The following PDE4A variants were observed in gnomAD, a reference collection of about 807,000 sequenced individuals.
PDE4A encodes the protein 3',5'-cyclic-AMP phosphodiesterase 4A.
PDE4A carries 21 observed loss-of-function variants against 73.9 expected under a neutral mutation model. That is an observed-to-expected ratio of 0.28 (90% CI 0.20 to 0.41). PDE4A has a LOEUF of 0.41. PDE4A is among the 10% of genes least tolerant of loss of function. The probability of loss-of-function intolerance (pLI) is 1.00; values close to 1 mark genes in which losing one functional copy is unlikely to be tolerated. For synonymous variants in PDE4A, 463 were observed against 505.4 expected, an observed-to-expected ratio of 0.92 and a Z score of 1.13; for missense variants, 958 against 1,211.4, an observed-to-expected ratio of 0.79 and a Z score of 3.10.
chr19:10,419,410 G>A (rs1409424272), upstream of PDE4A: 3 of 152,220 alleles, frequency 2.0e-5, no homozygotes, highest in East Asian at 1.9e-4. Context: ...GTGCCGGAAG[G>A]GGGGCTCTGC....
Position 10,420,850 on chromosome 19 carries a change from C to T in PDE4A, c.86C>T (p.Pro29Leu), listed in dbSNP as rs1392614862. Residue 29 changes from proline to leucine, a missense_variant, in exon 1 of 15, where the codon CCC becomes CTC. By Grantham distance (98) the Pro-to-Leu change is moderately conservative. This residue lies in a region of PDE4A where 145 missense variants were observed against 137.8 expected (regional missense o/e 1.05). Coordinates refer to ENST00000380702, the MANE Select transcript of PDE4A (RefSeq NM_001111307.2). The surrounding 1 kb of genome is among the most constrained non-coding windows in gnomAD (Gnocchi z 6.0). ...GAGGGCCAGGCCACCCTGAAGCCTC[C>T]CCCGCAGCACCTGTGGCGGCAGCCT... Reference protein sequence around the residue: ...PREGQATLKPPPQHLWRQPRT... With the variant: ...PREGQATLKPLPQHLWRQPRT... 6.3e-7 allele frequency: 1 copy of T among 1,590,164 alleles called. No individual in the cohort carries two copies. Among genetic ancestry groups the T allele is most frequent in the Non-Finnish European group, 8.5e-7 (1 of 1,176,072 alleles).
chr19:10,446,107 G>A lies in PDE4A; in HGVS notation c.321-111G>A. 4 of 1,450,116 alleles carry A rather than the reference G, an allele frequency of 2.8e-6. No homozygotes were observed. In the South Asian group the frequency reaches 4.3e-5, roughly 16 times the overall value. 89.8% of individuals were successfully genotyped at this position (1,450,116 alleles called of 1,614,324 possible). On this transcript the variant is annotated intron_variant, in intron 1 of 14. Transcript: ENST00000380702. ...CCCCCACTTGGCCTCCCAAAGTGCTGGGATTACAGGCATTACAGGCGTGAG... is the reference window on the plus strand; with the variant it reads ...CCCCCACTTGGCCTCCCAAAGTGCTAGGATTACAGGCATTACAGGCGTGAG...
intron 4 of PDE4A, among the ~76,000 whole-genome samples, chr19:10,449,759 TG>T (rs763090593): frequency 2.0e-5 from 3 of 152,084 alleles, no homozygotes; most frequent in Non-Finnish European, 4.4e-5. Flanking sequence ...ACCAAGTTGC[TG>T]GGCAAATGGC....
intron 6 of PDE4A, among the ~76,000 whole-genome samples, chr19:10,451,163 T>C (rs1001722251): frequency 1.3e-5 from 2 of 151,890 alleles, no homozygotes; most frequent in Non-Finnish European, 2.9e-5. Flanking sequence ...AGCCAACCAC[T>C]AGGTTAGGCC....
intron 1 of PDE4A, among the ~76,000 whole-genome samples, chr19:10,444,495 T>G (rs575437646): frequency 6.1e-5 from 9 of 146,438 alleles, no homozygotes; most frequent in Admixed American, 6.8e-5. Context: ...TGAAACTCCA[T>G]CTCAAAAAAA....
In PDE4A at chr19:10,461,579, C is replaced by T. The variant is rs750198566; in HGVS notation, c.1519C>T (p.Leu507=). Residue 507 remains leucine, a synonymous_variant, in exon 12 of 15, where the codon CTG becomes TTG. Coordinates refer to ENST00000380702, the MANE Select transcript of PDE4A (RefSeq NM_001111307.2). ...NDESVLENHH[L]AVGFKLLQED... is the part of the protein sequence containing the mutation. ...TGAGTCGGTGCTCGAGAATCACCAC[C>T]TGGCCGTGGGCTTCAAGCTGCTGCA... The T allele has an allele frequency of 6.2e-7, 1 of 1,613,190 alleles. No homozygotes were observed. The highest frequency in any genetic ancestry group is 2.2e-5 in the East Asian group (1 of 44,798).
intron 6 of PDE4A, among the ~76,000 whole-genome samples, chr19:10,452,211 G>A (rs550663300): frequency 2.6e-5 from 4 of 152,040 alleles, no homozygotes; most frequent in South Asian, 4.1e-4. Flanking sequence ...AGGCCAAGGC[G>A]GGCGGATCAC....
chr19:10,439,863 A>C (rs926536497), intron 1 of PDE4A, among the ~76,000 whole-genome samples: 3 of 152,082 alleles, frequency 2.0e-5, no homozygotes, highest in Non-Finnish European at 4.4e-5. Context: ...GTGGCTCAGG[A>C]CACAGCTGTC....
At chr19:10,417,263 A>C, upstream of PDE4A, 1 of 984,754 alleles carries the variant, frequency 1.0e-6, no homozygotes, top group Non-Finnish European at 1.2e-6. Flanking sequence ...AGGGGTGGTG[A>C]GGTCTTGAGA....
intron 1 of PDE4A, among the ~76,000 whole-genome samples, chr19:10,443,257 A>G (rs2042961794): frequency 6.6e-6 from 1 of 152,190 alleles, no homozygotes; most frequent in African/African-American, 2.4e-5. Context: ...ATGGTGGCTC[A>G]CGCCTGTAAT....
At position 10,424,544 on chromosome 19, in the gene PDE4A, G is replaced by A. The variant is rs1409932461; in HGVS notation, c.320+3460G>A. Reference sequence around the variant, plus strand: ...CGCTCCGAGCGCGGACCTGCTCCAGGGACGCCGCCAGTCCCGGAGCAAAGC... The same window carrying A: ...CGCTCCGAGCGCGGACCTGCTCCAGAGACGCCGCCAGTCCCGGAGCAAAGC... On this transcript the variant is annotated intron_variant, in intron 1 of 14. Coordinates refer to ENST00000380702, the MANE Select transcript of PDE4A (RefSeq NM_001111307.2). This position sits in a 1 kb window ranked among gnomAD's most constrained non-coding sequence, Gnocchi z 4.8. 1.3e-5 allele frequency among the ~76,000 whole-genome samples: 2 copies of A among 152,224 alleles called. No homozygotes were observed. Among genetic ancestry groups the A allele is most frequent in the African/African-American group, 4.8e-5 (2 of 41,456 alleles).
chr19:10,420,416 C>A, upstream of PDE4A: 2 of 945,382 alleles, frequency 2.1e-6, no homozygotes, highest in Non-Finnish European at 2.5e-6. The surrounding 1 kb of genome is among the most constrained non-coding windows in gnomAD (Gnocchi z 6.0). Context: ...CTGGCCCGGA[C>A]GGAGGAGGAG....
intron 1 of PDE4A, chr19:10,428,827 G>A (rs568294831): frequency 2.0e-6 from 2 of 985,446 alleles, no homozygotes; most frequent in Admixed American, 6.1e-5. Context: ...TTTCACAGAG[G>A]TGGACTCGAA....
chr19:10,428,072 C>T (rs535916961), intron 1 of PDE4A, among the ~76,000 whole-genome samples: 31 of 151,832 alleles, frequency 2.0e-4, no homozygotes, highest in African/African-American at 7.5e-4. Context: ...GATCATAAGA[C>T]CAAGTGTGGT....
Position 10,467,078 on chromosome 19 carries a change from G to A in PDE4A, c.2118G>A (p.Lys706=), listed in dbSNP as rs756997532. Residue 706 remains lysine (K), a synonymous_variant, in exon 15 of 15, where the codon AAG becomes AAA. Transcript: ENST00000380702. ...CAGGCCACCCACCCCTGCCTGACAA[G>A]TTCCAGTTTGAGCTGACGCTGGAGG... is the stretch of plus-strand genomic sequence containing the variant. ...RGPGHPPLPD[K]FQFELTLEEE... is the part of the protein sequence containing the mutation. 1.2e-6 allele frequency: 2 copies of A among 1,614,046 alleles called. No individual in the cohort carries two copies. Among genetic ancestry groups the A allele is most frequent in the Non-Finnish European group, 8.5e-7 (1 of 1,180,028 alleles).
At chr19:10,436,826 G>A (rs1014480870) in intron 1 of PDE4A, among the ~76,000 whole-genome samples, 3 of 152,130 alleles carry the variant, frequency 2.0e-5, no homozygotes, top group Admixed American at 6.5e-5. Context: ...GATCACCTGA[G>A]GTCAGGAGTT....
intron 14 of PDE4A, among the ~76,000 whole-genome samples, chr19:10,466,080 G>A (rs189882903): frequency 6.7e-6 from 1 of 149,072 alleles, no homozygotes; most frequent in African/African-American, 2.5e-5. Flanking sequence ...TCGGCTCACT[G>A]CAACTTCCAC....
At chr19:10,420,399 C>A, upstream of PDE4A, 1 of 972,918 alleles carries the variant, frequency 1.0e-6, no homozygotes, top group South Asian at 4.7e-5. This position sits in a 1 kb window ranked among gnomAD's most constrained non-coding sequence, Gnocchi z 6.0. Flanking sequence ...TAGGTAGCTG[C>A]CCCCCGCTGG....
chr19:10,459,137 G>A lies in PDE4A; in HGVS notation c.1102-263G>A, dbSNP rs560792962. 42 of 505,528 alleles carry A rather than the reference G, an allele frequency of 8.3e-5. 1 individual carries two copies. The South Asian group carries it at 1.0e-3, about 12-fold the overall frequency. 31.3% of individuals were successfully genotyped at this position (505,528 alleles called of 1,614,324 possible). ...AGTCACATCGCCTCTCTGAGCCTTG[G>A]TGCCTTCACCTGCCAAACGAGATCA... On this transcript the variant is annotated intron_variant, in intron 8 of 14. Coordinates refer to ENST00000380702, the MANE Select transcript of PDE4A (RefSeq NM_001111307.2).
Sources: gnomAD v4.1 joint callset for allele counts (sites outside exome capture counted in the v4.1 genomes callset) on GRCh38, gnomAD v4.1.1 for gene constraint, gnomAD v4.1.1 regional missense constraint, Gnocchi (gnomAD v3.1) non-coding constraint, MANE v1.5 for transcripts, NCBI Gene and HGNC (gene_info 2026-07-23, HGNC 2026-07-21) for gene names.